The following SREK1IP1 variants were observed in gnomAD, a reference collection of about 807,000 sequenced individuals.
SREK1IP1 encodes the protein SREK1 interacting protein 1.
SREK1IP1 carries 12 observed loss-of-function variants against 22.8 expected under a neutral mutation model. The observed-to-expected ratio is 0.53, with a 90% confidence interval of 0.34 to 0.85. SREK1IP1 has a LOEUF of 0.85. Ranked by LOEUF, SREK1IP1 falls within the 40% of genes least tolerant of loss-of-function variation. The pLI is 0.02. For missense variants in SREK1IP1, 147 were observed against 171.8 expected (o/e 0.86, Z 0.81); for synonymous variants, 53 against 52.7 (o/e 1.01, Z -0.02).
Position 64,718,858 on chromosome 5 carries a change from T to C in SREK1IP1, c.*5526A>G, listed in dbSNP as rs1166560813. 6.6e-6 allele frequency: 1 copy of C among 152,228 alleles called. No homozygotes were observed. The highest frequency in any genetic ancestry group is 1.5e-5 in the Non-Finnish European group (1 of 68,034). 9.4% of individuals were successfully genotyped at this position (152,228 alleles called of 1,614,324 possible). ...GCATATCTACTATGTCCTGTAGTTT[T>C]TGTAGTCAGAAACTAGCATTTCAGA... On this transcript the variant is annotated 3_prime_UTR_variant, in exon 5 of 5. Coordinates refer to ENST00000513458, the MANE Select transcript of SREK1IP1 (RefSeq NM_173829.4).
chr5:64,745,586 CA>C (rs113120840), intron 2 of SREK1IP1, among the ~76,000 whole-genome samples: 114 of 125,492 alleles, frequency 9.1e-4, no homozygotes, highest in Middle Eastern at 4.2e-3. Context: ...AAAACTGCCT[CA>C]AAAAAAAAAA....
intron 3 of SREK1IP1, among the ~76,000 whole-genome samples, chr5:64,737,727 A>G (rs896344693): frequency 6.6e-6 from 1 of 152,008 alleles, no homozygotes; most frequent in Non-Finnish European, 1.5e-5. Context: ...GAACTGAAAA[A>G]AGAGAGTATA....
At chr5:64,744,505 G>A (rs143252711) in intron 2 of SREK1IP1, among the ~76,000 whole-genome samples, 172 of 152,160 alleles carry the variant, frequency 1.1e-3, no homozygotes, top group Middle Eastern at 6.8e-3. Flanking sequence ...ATTCGCCACC[G>A]GTAACTAGGA....
Position 64,768,349 on chromosome 5 carries a change from G to A in SREK1IP1, c.13+156C>T, listed in dbSNP as rs74956752. Among the ~76,000 whole-genome samples, 920 of 152,308 alleles carry A rather than the reference G, an allele frequency of 6.0e-3. 7 individuals carry two copies. Among genetic ancestry groups the A allele is most frequent in the Non-Finnish European group, 7.7e-3 (525 of 68,032 alleles). On this transcript the variant is annotated intron_variant, in intron 1 of 4. Coordinates refer to ENST00000513458, the MANE Select transcript of SREK1IP1 (RefSeq NM_173829.4). ...CTTTCCTTCAGAGTTTATGTTTGGA[G>A]TGTAAACTTTTTCATGTAAACAAAA...
At chr5:64,754,415 A>T in intron 1 of SREK1IP1, 53 bp from the exon 2 acceptor site, 2 of 1,548,104 alleles carry the variant, frequency 1.3e-6, no homozygotes, top group Admixed American at 1.7e-5. Context: ...GCGAAAACTT[A>T]AAAACTTTAT....
rs1213369122 is a variant in SREK1IP1, at chr5:64,723,877, G to T, written c.*507C>A. 1 of 152,368 alleles carries T rather than the reference G, an allele frequency of 6.6e-6. No individual in the cohort carries two copies. The highest frequency in any genetic ancestry group is 1.5e-5 in the Non-Finnish European group (1 of 67,994). 9.4% of individuals were successfully genotyped at this position (152,368 alleles called of 1,614,324 possible). ...CTACAACATTGAAAAAAAATCCCTA[G>T]AGATTTAAAAAACTGAAGAATTTCA... On this transcript the variant is annotated 3_prime_UTR_variant, in exon 5 of 5. Coordinates refer to ENST00000513458, the MANE Select transcript of SREK1IP1 (RefSeq NM_173829.4).
chr5:64,747,755 C>T (rs1239409044), intron 2 of SREK1IP1, among the ~76,000 whole-genome samples: 1 of 151,948 alleles, frequency 6.6e-6, no homozygotes, highest in Admixed American at 6.6e-5. Context: ...GGTGTAACCT[C>T]GTCTATACTA....
At position 64,723,131 on chromosome 5, in the gene SREK1IP1, A is replaced by C. The variant is rs541133885; in HGVS notation, c.*1253T>G. On this transcript the variant is annotated 3_prime_UTR_variant, in exon 5 of 5. Transcript: ENST00000513458. Reference sequence around the variant, plus strand: ...ATAAGGGCTACCTAAGTATTAAGCAAAGTAACACTGATCAATGTGAAAATA... The same window carrying C: ...ATAAGGGCTACCTAAGTATTAAGCACAGTAACACTGATCAATGTGAAAATA... 4.6e-5 allele frequency: 7 copies of C among 152,368 alleles called. No individual in the cohort carries two copies. The highest frequency in any genetic ancestry group is 3.3e-4 in the Admixed American group (5 of 15,302). 9.4% of individuals were successfully genotyped at this position (152,368 alleles called of 1,614,324 possible).
intron 2 of SREK1IP1, among the ~76,000 whole-genome samples, chr5:64,747,129 C>T (rs1742652024): frequency 6.6e-6 from 1 of 152,190 alleles, no homozygotes; most frequent in Non-Finnish European, 1.5e-5. Context: ...TTCACAAACC[C>T]AGCAGCTCTC....
At chr5:64,758,474 T>C (rs1742888802) in intron 1 of SREK1IP1, among the ~76,000 whole-genome samples, 1 of 152,232 alleles carries the variant, frequency 6.6e-6, no homozygotes, top group African/African-American at 2.4e-5. Context: ...ACAAATATGT[T>C]GTAGCAGAAT....
intron 2 of SREK1IP1, among the ~76,000 whole-genome samples, chr5:64,745,442 T>C (rs1580548135): frequency 6.6e-6 from 1 of 151,940 alleles, no homozygotes; most frequent in Admixed American, 6.6e-5. Context: ...AATACAAAAA[T>C]TAACGGCATG....
intron 1 of SREK1IP1, among the ~76,000 whole-genome samples, chr5:64,755,009 G>A (rs1329595796): frequency 6.6e-6 from 1 of 151,904 alleles, no homozygotes; most frequent in Non-Finnish European, 1.5e-5. Flanking sequence ...ACCACAGTGA[G>A]ATACCAACTC....
rs942454283 is a variant in SREK1IP1 at position 64,718,241 on chromosome 5, T to C, written c.*6143A>G. 2.4e-6 allele frequency: 1 copy of C among 413,734 alleles called. No homozygotes were observed. The highest frequency in any genetic ancestry group is 4.2e-6 in the Non-Finnish European group (1 of 237,674). The allele number at this position is 413,734 out of a possible 1,614,324, so 25.6% of individuals were successfully genotyped here. ...ATTTGCTAATTAAGATGTTTCTGTATCACATGAGATTATGCTAATTATTCA... is the reference window on the plus strand; with the variant it reads ...ATTTGCTAATTAAGATGTTTCTGTACCACATGAGATTATGCTAATTATTCA... On this transcript the variant is annotated 3_prime_UTR_variant, in exon 5 of 5. Coordinates refer to ENST00000513458, the MANE Select transcript of SREK1IP1 (RefSeq NM_173829.4).
chr5:64,719,178 G>A lies in SREK1IP1; in HGVS notation c.*5206C>T, dbSNP rs1160021960. 4 of 152,116 alleles carry A rather than the reference G, an allele frequency of 2.6e-5. No homozygotes were observed. The East Asian group carries it at 7.7e-4, about 29-fold the overall frequency. The allele number at this position is 152,116 out of a possible 1,614,324, so 9.4% of individuals were successfully genotyped here. A position where few individuals can be genotyped will look rare whatever the true frequency, so the allele number is the denominator to read the frequency against. ...CATGTGGCTACTGAACACTTAAGAT[G>A]TGGCTAATGCAACTGAAAAAATAAA... On this transcript the variant is annotated 3_prime_UTR_variant, in exon 5 of 5. Coordinates refer to ENST00000513458, the MANE Select transcript of SREK1IP1 (RefSeq NM_173829.4).
chr5:64,725,124 T>C (rs1454190052), intron 4 of SREK1IP1, among the ~76,000 whole-genome samples: 1 of 152,178 alleles, frequency 6.6e-6, no homozygotes, highest in African/African-American at 2.4e-5. Context: ...GATGAATACT[T>C]GCATTACAAA....
At chr5:64,734,989 T>C (rs1742435423) in intron 3 of SREK1IP1, among the ~76,000 whole-genome samples, 1 of 151,786 alleles carries the variant, frequency 6.6e-6, no homozygotes, top group Admixed American at 6.5e-5. Context: ...TTGTTTCTTA[T>C]GTTATGGAAG....
chr5:64,749,089 A>AATAAT (rs1561389085), intron 2 of SREK1IP1, among the ~76,000 whole-genome samples: 22 of 147,776 alleles, frequency 1.5e-4, no homozygotes, highest in African/African-American at 5.2e-4. Context: ...TAATAATAAT[A>AATAAT]ATAATAATAA....
At chr5:64,748,738 T>C (rs1436938026) in intron 2 of SREK1IP1, among the ~76,000 whole-genome samples, 1 of 152,166 alleles carries the variant, frequency 6.6e-6, no homozygotes, top group Non-Finnish European at 1.5e-5. Context: ...GGTACTACAA[T>C]GATCCCACTT....
chr5:64,751,690 AG>A (rs1742743482), intron 2 of SREK1IP1, among the ~76,000 whole-genome samples: 1 of 152,200 alleles, frequency 6.6e-6, no homozygotes, highest in Admixed American at 6.5e-5. Context: ...ACACTTCTAC[AG>A]ATTTCTAGGG....
Sources: allele counts gnomAD v4.1 joint callset (sites outside exome capture counted in the v4.1 genomes callset), GRCh38; gene constraint gnomAD v4.1.1; transcripts MANE v1.5; gene names NCBI Gene and HGNC (gene_info 2026-07-23, HGNC 2026-07-21).